ANP32A: variants seen among roughly 807,000 people sequenced by gnomAD.
ANP32A encodes acidic nuclear phosphoprotein 32 family member A.
A neutral mutation model predicts 33.9 loss-of-function variants in ANP32A; 1 was observed. The ratio of observed to expected loss-of-function variants is 0.03; its 90% CI spans 0.01 to 0.14. The LOEUF (loss-of-function observed/expected upper bound fraction) is 0.14. Among genes scored for constraint, ANP32A ranks in the 10% least tolerant of loss-of-function variants. ANP32A has a pLI of 1.00. For synonymous variants in ANP32A, 115 were observed against 120.5 expected (o/e 0.95, Z 0.30); for missense variants, 155 against 306.0 (o/e 0.51, Z 3.68).
At chr15:68,785,591 CAGGG>C (rs1217862989) in intron 3 of ANP32A, among the ~76,000 whole-genome samples, 1 of 152,190 alleles carries the variant, frequency 6.6e-6, no homozygotes, top group Non-Finnish European at 1.5e-5. Flanking sequence ...AAGCCAAGGG[CAGGG>C]AGGAAGTCTT....
intron 3 of ANP32A, among the ~76,000 whole-genome samples, chr15:68,784,855 C>T (rs1162061510): frequency 6.6e-6 from 1 of 152,184 alleles, no homozygotes; most frequent in Non-Finnish European, 1.5e-5. Flanking sequence ...AATGTTAACA[C>T]TTTTATTCTG....
intron 1 of ANP32A, among the ~76,000 whole-genome samples, chr15:68,807,559 C>T (rs1291229078): frequency 6.6e-6 from 1 of 152,156 alleles, no homozygotes; most frequent in African/African-American, 2.4e-5. Context: ...CCAGCAAGCA[C>T]CTTCTGGAGA....
At chr15:68,798,967 G>A (rs1446677326) in intron 1 of ANP32A, among the ~76,000 whole-genome samples, 1 of 152,220 alleles carries the variant, frequency 6.6e-6, no homozygotes, top group East Asian at 1.9e-4. Context: ...CAATCATGCA[G>A]AAGAACCTAA....
chr15:68,793,154 C>T (rs1470258532), intron 1 of ANP32A, among the ~76,000 whole-genome samples: 1 of 152,202 alleles, frequency 6.6e-6, no homozygotes, highest in Non-Finnish European at 1.5e-5. Context: ...AGGGACTGTC[C>T]TCCGTAATCA....
At chr15:68,803,150 G>A (rs1008578225) in intron 1 of ANP32A, among the ~76,000 whole-genome samples, 29 of 152,236 alleles carry the variant, frequency 1.9e-4, no homozygotes, top group African/African-American at 7.0e-4. Flanking sequence ...GGGCCGCTCA[G>A]TGTGCCCCGG....
At chr15:68,793,934 G>T (rs1894030120) in intron 1 of ANP32A, among the ~76,000 whole-genome samples, 1 of 152,236 alleles carries the variant, frequency 6.6e-6, no homozygotes. Context: ...GAAGCTTAGA[G>T]TAAGAACTGC....
At chr15:68,818,918 T>C (rs1894430833) in intron 1 of ANP32A, among the ~76,000 whole-genome samples, 1 of 146,830 alleles carries the variant, frequency 6.8e-6, no homozygotes, top group East Asian at 2.1e-4. Context: ...CGCCCGCAAA[T>C]AGTGCGCGGA....
intron 1 of ANP32A, among the ~76,000 whole-genome samples, chr15:68,802,909 C>T (rs1057458489): frequency 3.3e-5 from 5 of 152,174 alleles, no homozygotes; most frequent in African/African-American, 1.2e-4. Flanking sequence ...CCACCTTGGC[C>T]TCCCAAAGTG....
At position 68,815,115 on chromosome 15, in the gene ANP32A, CAATT is replaced by C. The variant is rs1894362893; in HGVS notation, c.54+5579_54+5582del. Among the ~76,000 whole-genome samples the C allele has an allele frequency of 2.6e-5, 4 of 152,252 alleles. No individual in the cohort carries two copies. In the South Asian group the frequency reaches 8.3e-4, roughly 32 times the overall value. On this transcript the variant is annotated intron_variant, in intron 1 of 6. Coordinates refer to ENST00000465139, the MANE Select transcript of ANP32A (RefSeq NM_006305.4). ...GTTGAGGCTGATTTCCACTAGGCAC[CAATT>C]ACTTACAGGGCACAGAACACATAAA...
At chr15:68,817,779 C>A (rs542749673) in intron 1 of ANP32A, 1 of 152,256 alleles carries the variant, frequency 6.6e-6, no homozygotes, top group Non-Finnish European at 1.5e-5. Context: ...GGGGCGGAAA[C>A]CCCCATCGGG....
chr15:68,798,035 T>C (rs1329623633), intron 1 of ANP32A, among the ~76,000 whole-genome samples: 1 of 152,232 alleles, frequency 6.6e-6, no homozygotes, highest in Non-Finnish European at 1.5e-5. Flanking sequence ...AAAACCACTC[T>C]TAGAAAAATC....
intron 1 of ANP32A, among the ~76,000 whole-genome samples, chr15:68,808,516 T>A (rs1360659424): frequency 6.6e-6 from 1 of 152,180 alleles, no homozygotes; most frequent in Non-Finnish European, 1.5e-5. Context: ...AATACTTACA[T>A]AGCATTTATA....
chr15:68,797,831 C>T (rs1251494009), intron 1 of ANP32A, among the ~76,000 whole-genome samples: 1 of 152,176 alleles, frequency 6.6e-6, no homozygotes, highest in Non-Finnish European at 1.5e-5. Flanking sequence ...TCCCCCAACA[C>T]AGCCTTGCTA....
chr15:68,812,744 A>C (rs954376045), intron 1 of ANP32A, among the ~76,000 whole-genome samples: 3 of 152,230 alleles, frequency 2.0e-5, no homozygotes, highest in Non-Finnish European at 4.4e-5. Flanking sequence ...AGTGTTTTAC[A>C]TGTAGTGAGG....
intron 1 of ANP32A, among the ~76,000 whole-genome samples, chr15:68,817,872 C>T (rs1375393988): frequency 6.6e-6 from 1 of 151,934 alleles, no homozygotes; most frequent in Non-Finnish European, 1.5e-5. Context: ...TGGCGCAAGA[C>T]TCCGCTCCCC....
intron 1 of ANP32A, among the ~76,000 whole-genome samples, chr15:68,808,392 T>G (rs1019800849): frequency 6.6e-6 from 1 of 152,214 alleles, no homozygotes; most frequent in Non-Finnish European, 1.5e-5. Flanking sequence ...CTATGCTCCA[T>G]CACTCCAGCT....
chr15:68,814,711 A>C (rs1189156006), intron 1 of ANP32A, among the ~76,000 whole-genome samples: 3 of 152,220 alleles, frequency 2.0e-5, no homozygotes, highest in Non-Finnish European at 4.4e-5. Context: ...TGAAACTCAA[A>C]GCCACTATGC....
In ANP32A at chr15:68,780,581, GC is replaced by G; in HGVS notation, c.625-109del. ...CCGGGGTCACCCCCAGCCTCTCAGAGCCCCCACCAAGACTTGACATCTCGGG... is the reference window on the plus strand; with the variant it reads ...CCGGGGTCACCCCCAGCCTCTCAGAGCCCCACCAAGACTTGACATCTCGGG... On this transcript the variant is annotated intron_variant, in intron 5 of 6. Coordinates refer to ENST00000465139, the MANE Select transcript of ANP32A (RefSeq NM_006305.4). The surrounding 1 kb of genome is among the most constrained non-coding windows in gnomAD (Gnocchi z 4.3). 6.6e-7 allele frequency: 1 copy of G among 1,515,640 alleles called. No homozygotes were observed. The highest frequency in any genetic ancestry group is 8.8e-7 in the Non-Finnish European group (1 of 1,136,226). The allele number at this position is 1,515,640 out of a possible 1,614,324, so 93.9% of individuals were successfully genotyped here.
At chr15:68,783,486 C>T (rs570358746) in intron 4 of ANP32A, among the ~76,000 whole-genome samples, 5 of 152,306 alleles carry the variant, frequency 3.3e-5, no homozygotes, top group East Asian at 1.9e-4. Context: ...GACCTGGTCC[C>T]GGGACTGCCA....
Sources: allele counts gnomAD v4.1 joint callset (sites outside exome capture counted in the v4.1 genomes callset), GRCh38; gene constraint gnomAD v4.1.1; non-coding constraint Gnocchi (gnomAD v3.1); transcripts MANE v1.5; gene names NCBI Gene and HGNC (gene_info 2026-07-23, HGNC 2026-07-21).